MIER3: variants seen among roughly 807,000 people sequenced by gnomAD.
MIER3 encodes the protein mesoderm induction early response protein 3.
A neutral mutation model predicts 63.2 loss-of-function variants in MIER3; 9 were observed. The ratio of observed to expected loss-of-function variants is 0.14; its 90% CI spans 0.09 to 0.25. MIER3 has a LOEUF of 0.25. Among genes scored for constraint, MIER3 ranks in the 10% least tolerant of loss-of-function variants. MIER3 has a pLI of 1.00. For missense variants in MIER3, 512 were observed against 666.2 expected (o/e 0.77, Z 2.55); for synonymous variants, 205 against 224.9 (o/e 0.91, Z 0.79).
rs1017587713 is a variant in MIER3, at chr5:56,921,862, A to T, written c.*1266T>A. 6.6e-6 allele frequency: 1 copy of T among 152,638 alleles called. No homozygotes were observed. The allele number at this position is 152,638 out of a possible 1,614,324, so 9.5% of individuals were successfully genotyped here. ...TATTACATATTGTTTGATTCACCTT[A>T]TAACTTAAAAATGCATGTTTATAGC... On this transcript the variant is annotated 3_prime_UTR_variant, in exon 13 of 13. Transcript: ENST00000381199.
intron 10 of MIER3, 60 bp from the exon 11 acceptor site, chr5:56,924,102 T>C: frequency 6.4e-7 from 1 of 1,560,834 alleles, no homozygotes; most frequent in Non-Finnish European, 8.7e-7. Flanking sequence ...TTAAGCAACT[T>C]TTCTTTTCCA....
intron 5 of MIER3, chr5:56,936,852 A>C (rs1750464449): frequency 6.6e-6 from 1 of 152,138 alleles, no homozygotes; most frequent in African/African-American, 2.4e-5. Context: ...GGTAACACCA[A>C]GAACTAATAG....
At chr5:56,932,705 C>G (rs1015827937) in intron 8 of MIER3, among the ~76,000 whole-genome samples, 2 of 152,142 alleles carry the variant, frequency 1.3e-5, no homozygotes, top group Non-Finnish European at 2.9e-5. Context: ...GGTACACAAG[C>G]GCTTAACAAA....
Position 56,923,190 on chromosome 5 carries a change from C to G in MIER3, c.1591G>C (p.Glu531Gln), listed in dbSNP as rs773576707. ...TGGGCACTGATGAAACCATTGGTCT[C>G]GTTGGCAGAGAGACTGCCAAAGTCA... Reference protein sequence around the residue: ...VADFGSLSANETNGFISAHAL... With the variant: ...VADFGSLSANQTNGFISAHAL... The change falls in exon 13 of 13, where the codon GAG (glutamate) becomes CAG (glutamine). Residue 531 changes from glutamate (E) to glutamine (Q), a missense_variant. Transcript: ENST00000381199. 1.2e-6 allele frequency: 2 copies of G among 1,613,992 alleles called. No individual in the cohort carries two copies. The highest frequency in any genetic ancestry group is 2.2e-5 in the South Asian group (2 of 91,078).
At chr5:56,940,924 C>T (rs1186078523) in intron 3 of MIER3, 1 of 977,464 alleles carries the variant, frequency 1.0e-6, no homozygotes, top group African/African-American at 1.8e-5. Context: ...CTTTGCCAAG[C>T]ACCTGTCAGT....
rs748234397 is a variant in MIER3, at chr5:56,938,965, G to A, written c.233C>T (p.Thr78Ile). The A allele has an allele frequency of 6.2e-7, 1 of 1,614,182 alleles. No homozygotes were observed. The highest frequency in any genetic ancestry group is 1.3e-5 in the African/African-American group (1 of 75,060). ...ACTGGAATTTGCAACTGCTGGAATT[G>A]TAGGTTCATAGCCATAGAATGCCAG... ...DLLAFYGYEP[T>I]IPAVANSSAN... Residue 78 changes from threonine to isoleucine, a missense_variant, in exon 4 of 13, where the codon ACA (threonine) becomes ATA (isoleucine). Physicochemically the swap from Thr to Ile is moderately conservative, Grantham distance 89. Around this residue, in one of 5 missense-constraint regions of MIER3, gnomAD observed 98 missense variants for 107.4 expected, o/e 0.91. Transcript: ENST00000381199.
At chr5:56,930,772 T>C (rs763911464) in intron 8 of MIER3, 27 bp from the exon 9 acceptor site, 13 of 1,578,244 alleles carry the variant, frequency 8.2e-6, no homozygotes, top group Non-Finnish European at 1.1e-5. Flanking sequence ...ATAAAAAGTA[T>C]TAAAAGTTCA....
chr5:56,922,121 C>T lies in MIER3; in HGVS notation c.*1007G>A, dbSNP rs1007622631. The T allele has an allele frequency of 6.6e-6, 1 of 152,576 alleles. No homozygotes were observed. Among genetic ancestry groups the T allele is most frequent in the Non-Finnish European group, 1.5e-5 (1 of 68,018 alleles). The allele number at this position is 152,576 out of a possible 1,614,324, so 9.5% of individuals were successfully genotyped here. A position where few individuals can be genotyped will look rare whatever the true frequency, so the allele number is the denominator to read the frequency against. On this transcript the variant is annotated 3_prime_UTR_variant, in exon 13 of 13. Coordinates refer to ENST00000381199, the MANE Select transcript of MIER3 (RefSeq NM_001297599.2). ...TGCATTAGGTATAAAATCTAGAAGT[C>T]CCTCTAAATATTAACACTTTGAACT...
intron 9 of MIER3, among the ~76,000 whole-genome samples, chr5:56,930,148 TATA>T (rs1285060736): frequency 2.6e-5 from 4 of 152,250 alleles, no homozygotes; most frequent in Admixed American, 2.6e-4. Flanking sequence ...AATCCATTTA[TATA>T]ATGACAAAAA....
In MIER3 at chr5:56,922,149, A is replaced by C. The variant is rs1017621707; in HGVS notation, c.*979T>G. ...TCTAAATATTAACACTTTGAACTGCAGTGCTACAAACAACTTAAAAGATGT... is the reference window on the plus strand; with the variant it reads ...TCTAAATATTAACACTTTGAACTGCCGTGCTACAAACAACTTAAAAGATGT... On this transcript the variant is annotated 3_prime_UTR_variant, in exon 13 of 13. Coordinates refer to ENST00000381199, the MANE Select transcript of MIER3 (RefSeq NM_001297599.2). The C allele has an allele frequency of 7.9e-5, 12 of 152,702 alleles. No homozygotes were observed. Among genetic ancestry groups the C allele is most frequent in the Non-Finnish European group, 1.3e-4 (9 of 68,052 alleles). The allele number at this position is 152,702 out of a possible 1,614,324, so 9.5% of individuals were successfully genotyped here. A position where few individuals can be genotyped will look rare whatever the true frequency, so the allele number is the denominator to read the frequency against.
intron 3 of MIER3, among the ~76,000 whole-genome samples, chr5:56,945,437 T>G (rs892613866): frequency 1.3e-5 from 2 of 152,104 alleles, no homozygotes; most frequent in African/African-American, 4.8e-5. Flanking sequence ...CACTCCAGCC[T>G]GCGCAATGGA....
intron 3 of MIER3, among the ~76,000 whole-genome samples, chr5:56,943,305 C>T (rs111706105): frequency 4.7e-5 from 7 of 149,580 alleles, no homozygotes; most frequent in African/African-American, 1.7e-4. Context: ...AATGTGGGAT[C>T]TGCATTAGTA....
In MIER3 at chr5:56,943,559, T is replaced by C. The variant is rs545778770; in HGVS notation, c.180+3367A>G. Among the ~76,000 whole-genome samples, 4 of 152,332 alleles carry C rather than the reference T, an allele frequency of 2.6e-5. No homozygotes were observed. The South Asian group carries it at 8.3e-4, about 32-fold the overall frequency. ...TTGAGGGACAAGATGACCATCTCCG[T>C]AGAAACTGCATTAATAAGTTCAAGG... On this transcript the variant is annotated intron_variant, in intron 3 of 12. Transcript: ENST00000381199.
intron 8 of MIER3, among the ~76,000 whole-genome samples, 195 bp downstream of exon 8, chr5:56,933,052 A>G (rs922380626): frequency 2.0e-5 from 3 of 152,226 alleles, no homozygotes; most frequent in African/African-American, 7.2e-5. Context: ...TAAAGACCAG[A>G]AGAAAAGATA....
At chr5:56,949,694 T>C (rs1003402576) in intron 2 of MIER3, among the ~76,000 whole-genome samples, 1 of 152,184 alleles carries the variant, frequency 6.6e-6, no homozygotes, top group Admixed American at 6.5e-5. Flanking sequence ...CTATTCACTC[T>C]ATGGAAACAA....
intron 3 of MIER3, among the ~76,000 whole-genome samples, chr5:56,941,817 G>C (rs1750655528): frequency 6.6e-6 from 1 of 152,148 alleles, no homozygotes; most frequent in South Asian, 2.1e-4. Flanking sequence ...CACTTAAAAA[G>C]CCTCATGCTA....
chr5:56,926,376 A>G (rs932799859), intron 10 of MIER3, among the ~76,000 whole-genome samples: 4 of 152,154 alleles, frequency 2.6e-5, no homozygotes, highest in African/African-American at 7.2e-5. Flanking sequence ...AAATATACAA[A>G]TAACTCCTTA....
In MIER3 at chr5:56,923,448, G is replaced by A. The variant is rs375294893; in HGVS notation, c.1333C>T (p.Pro445Ser). ...AAACAATCACTTTCCCCATTGCTGG[G>A]CAGGGTGAGTAACTCTTCTGTTACA... ...PVVTEELLTL[P>S]SNGESDCFNL... Residue 445 changes from proline (P) to serine (S), a missense_variant, in exon 13 of 13, where the codon CCC (proline) becomes TCC (serine). Physicochemically the swap from Pro to Ser is moderately conservative, Grantham distance 74. Transcript: ENST00000381199. 1.9e-6 allele frequency: 3 copies of A among 1,614,162 alleles called. No homozygotes were observed. The highest frequency in any genetic ancestry group is 2.2e-5 in the East Asian group (1 of 44,886).
At position 56,935,674 on chromosome 5, in the gene MIER3, A is replaced by G; in HGVS notation, c.514T>C (p.Leu172=). 1 of 1,613,584 alleles carries G rather than the reference A, an allele frequency of 6.2e-7. No homozygotes were observed. The highest frequency in any genetic ancestry group is 8.5e-7 in the Non-Finnish European group (1 of 1,179,660). ...ETDSGNSPED[L]RKEIMIGLQY... ...ATATTAACTCAGCTTACCTTCCTCA[A>G]ATCTTCAGGTGAATTACCACTGTCT... The change falls in exon 6 of 13, where the codon TTG becomes CTG. Residue 172 remains leucine (L), a synonymous_variant. Coordinates refer to ENST00000381199, the MANE Select transcript of MIER3 (RefSeq NM_001297599.2).
Sources: allele counts gnomAD v4.1 joint callset (sites outside exome capture counted in the v4.1 genomes callset), GRCh38; gene constraint gnomAD v4.1.1; regional missense constraint gnomAD v4.1.1; transcripts MANE v1.5; gene names NCBI Gene and HGNC (gene_info 2026-07-23, HGNC 2026-07-21).